The following CENPE variants were observed in gnomAD, a reference collection of about 807,000 sequenced individuals.
CENPE encodes centromere-associated protein E.
In CENPE, 145 loss-of-function variants were observed where a neutral mutation model predicts 336.1. The observed-to-expected ratio is 0.43, with a 90% CI of 0.38 to 0.50. The LOEUF (loss-of-function observed/expected upper bound fraction) is 0.50. Among genes scored for constraint, CENPE ranks in the 20% least tolerant of loss-of-function variants. CENPE has a pLI of 0.00. For missense variants in CENPE, 2,719 were observed against 3,023.3 expected, an observed-to-expected ratio of 0.90 and a Z score of 2.36; for synonymous variants, 1,013 against 984.8, an observed-to-expected ratio of 1.03 and a Z score of -0.54.
In CENPE at chr4:103,181,438, A is replaced by G; in HGVS notation, c.982T>C (p.Tyr328His). 6.4e-7 allele frequency: 1 copy of G among 1,569,104 alleles called. No individual in the cohort carries two copies. Among genetic ancestry groups the G allele is most frequent in the Non-Finnish European group, 8.6e-7 (1 of 1,162,420 alleles). Residue 328 changes from tyrosine to histidine, a missense_variant, in exon 12 of 49, where the codon TAT becomes CAT. By Grantham distance (83) the Tyr-to-His change is moderately conservative (BLOSUM62 2). Around this residue, in one of 5 missense-constraint regions of CENPE, gnomAD observed 117 missense variants for 215.8 expected, o/e 0.54. Transcript: ENST00000265148. ...TTAACATAAGGAGTATTCTTCATAT[A>G]TTTAGCAGTACTGGCAAACTGGAAA... ...TALQFASTAK[Y>H]MKNTPYVNEV...
At chr4:103,185,934 A>G in intron 8 of CENPE, 73 bp from the exon 9 acceptor site, 3 of 966,936 alleles carry the variant, frequency 3.1e-6, no homozygotes, top group Admixed American at 3.8e-5. Flanking sequence ...CTGAAAGAAC[A>G]TTTTTAATAC....
chr4:103,192,951 A>G (rs967911437), intron 8 of CENPE, among the ~76,000 whole-genome samples: 1 of 151,716 alleles, frequency 6.6e-6, no homozygotes, highest in African/African-American at 2.4e-5. Context: ...GAGGGTAGGG[A>G]AAAAGAAGCC....
chr4:103,115,886 A>G lies in CENPE; in HGVS notation c.7442+691T>C, dbSNP rs561186007. 3.3e-5 allele frequency among the ~76,000 whole-genome samples: 5 copies of G among 151,946 alleles called. No homozygotes were observed. In the South Asian group the frequency reaches 1.0e-3, roughly 32 times the overall value. On this transcript the variant is annotated intron_variant, in intron 45 of 48. Transcript: ENST00000265148. ...GCTGGGACTACAGGCGCCTGCCACC[A>G]TGCCGGCTAATTTTTTTGGTATTTT...
chr4:103,131,370 A>G (rs1208195896), intron 42 of CENPE, among the ~76,000 whole-genome samples: 1 of 152,212 alleles, frequency 6.6e-6, no homozygotes, highest in African/African-American at 2.4e-5. Context: ...AGAGAATTGC[A>G]AACTGAATGA....
Position 103,148,969 on chromosome 4 carries a change from C to T in CENPE, c.3718G>A (p.Ala1240Thr). The T allele has an allele frequency of 6.2e-7, 1 of 1,613,572 alleles. No homozygotes were observed. Residue 1240 changes from alanine (A) to threonine (T), a missense_variant, in exon 28 of 49, where the codon GCT becomes ACT. This residue lies in a region of CENPE where 2,437 missense variants were observed against 2,513.3 expected (regional missense o/e 0.97). Coordinates refer to ENST00000265148, the MANE Select transcript of CENPE (RefSeq NM_001813.3). ...TGGTGTTCTTTTAGGTGAATATGAG[C>T]AATTTTTAGTTCTTCTTTGGTTTGT... ...GLQTKEELKI[A>T]HIHLKEHQET...
intron 16 of CENPE, among the ~76,000 whole-genome samples, chr4:103,171,593 T>A (rs2125997976): frequency 6.6e-6 from 1 of 151,286 alleles, no homozygotes; most frequent in South Asian, 2.1e-4. Flanking sequence ...AACTATTACC[T>A]CGAAGAATTA....
intron 13 of CENPE, among the ~76,000 whole-genome samples, chr4:103,179,283 T>G (rs1273811975): frequency 6.6e-6 from 1 of 152,232 alleles, no homozygotes; most frequent in Admixed American, 6.5e-5. Flanking sequence ...TAGCTACATC[T>G]TTCTCAACTA....
At chr4:103,159,735 A>G (rs116006296) in intron 21 of CENPE, among the ~76,000 whole-genome samples, 1 of 151,936 alleles carries the variant, frequency 6.6e-6, no homozygotes, top group African/African-American at 2.4e-5. Flanking sequence ...TAATTTAAGT[A>G]ATGTTTAATC....
At chr4:103,117,887 C>G in intron 44 of CENPE, among the ~76,000 whole-genome samples, 1 of 152,156 alleles carries the variant, frequency 6.6e-6, no homozygotes, top group East Asian at 1.9e-4. Flanking sequence ...CTCAGCCTCC[C>G]AAAGTGTTGG....
chr4:103,193,496 A>G (rs1319509027), intron 8 of CENPE, among the ~76,000 whole-genome samples: 1 of 152,160 alleles, frequency 6.6e-6, no homozygotes, highest in Non-Finnish European at 1.5e-5. Flanking sequence ...ACATCAAGCT[A>G]AAGAATTTAG....
Position 103,120,142 on chromosome 4 carries a change from A to T in CENPE, c.7329+6T>A, listed in dbSNP as rs927794104. 3 of 1,571,258 alleles carry T rather than the reference A, an allele frequency of 1.9e-6. No individual in the cohort carries two copies. Among genetic ancestry groups the T allele is most frequent in the Non-Finnish European group, 1.7e-6 (2 of 1,156,976 alleles). ...CAAACAACTTTTATTTTTATGTTTA[A>T]GTTACCTGAAGTACTTGAATTGTCT... On this transcript the variant is annotated splice_donor_region_variant and intron_variant, in intron 44 of 48. Coordinates refer to ENST00000265148, the MANE Select transcript of CENPE (RefSeq NM_001813.3).
intron 44 of CENPE, among the ~76,000 whole-genome samples, chr4:103,119,744 T>TC (rs1560596262): frequency 6.6e-6 from 1 of 151,794 alleles, no homozygotes; most frequent in Non-Finnish European, 1.5e-5. Flanking sequence ...TTACGGTTCT[T>TC]CCCCCCAAAA....
At chr4:103,178,279 G>A (rs1313647735) in intron 13 of CENPE, among the ~76,000 whole-genome samples, 3 of 151,986 alleles carry the variant, frequency 2.0e-5, no homozygotes, top group Admixed American at 2.0e-4. Flanking sequence ...AGATAAACTG[G>A]ACCTTTAATG....
chr4:103,163,116 C>T, intron 18 of CENPE, 21 bp downstream of exon 18: 1 of 1,595,764 alleles, frequency 6.3e-7, no homozygotes. Flanking sequence ...GATTACACAA[C>T]AAAATACGCC....
chr4:103,111,494 T>G (rs1749424589), intron 46 of CENPE, among the ~76,000 whole-genome samples: 1 of 152,232 alleles, frequency 6.6e-6, no homozygotes, highest in African/African-American at 2.4e-5. Flanking sequence ...ATATTAAATA[T>G]TCTACACTAT....
intron 47 of CENPE, among the ~76,000 whole-genome samples, chr4:103,110,025 C>T (rs1749249102): frequency 1.3e-5 from 2 of 152,246 alleles, no homozygotes; most frequent in South Asian, 2.1e-4. Flanking sequence ...TGAACATGTT[C>T]CCCTGGCCTG....
chr4:103,134,985 T>C (rs1285816687), intron 40 of CENPE, among the ~76,000 whole-genome samples: 2 of 152,244 alleles, frequency 1.3e-5, no homozygotes, highest in Admixed American at 1.3e-4. Context: ...CTCTGAAGTA[T>C]TTGCCACTCA....
chr4:103,128,404 C>T (rs1238960174), intron 42 of CENPE, among the ~76,000 whole-genome samples: 1 of 152,126 alleles, frequency 6.6e-6, no homozygotes, highest in Non-Finnish European at 1.5e-5. Flanking sequence ...TTTAACAGTA[C>T]CATCTATCAA....
chr4:103,155,486 A>AT (rs1464883541), intron 24 of CENPE, among the ~76,000 whole-genome samples: 1 of 151,538 alleles, frequency 6.6e-6, no homozygotes, highest in Admixed American at 6.6e-5. Flanking sequence ...TAATTTTTGT[A>AT]TTTTTTTGTA....
Sources: gnomAD v4.1 joint callset for allele counts (sites outside exome capture counted in the v4.1 genomes callset) on GRCh38, gnomAD v4.1.1 for gene constraint, gnomAD v4.1.1 regional missense constraint, MANE v1.5 for transcripts, NCBI Gene and HGNC (gene_info 2026-07-23, HGNC 2026-07-21) for gene names.